The following GPC5 variants were observed in gnomAD, a reference collection of about 807,000 sequenced individuals.
The protein encoded by GPC5 is glypican-5.
A neutral mutation model predicts 53.9 loss-of-function variants in GPC5; 47 were observed. The ratio of observed to expected loss-of-function variants is 0.87; its 90% CI spans 0.69 to 1.11. The LOEUF (loss-of-function observed/expected upper bound fraction) is 1.11, where lower values mean the gene tolerates loss of function less well. GPC5 is among the 50% of genes most tolerant of loss of function. The pLI is 0.00. For synonymous variants in GPC5, 286 were observed against 263.3 expected (o/e 1.09, Z -0.84); for missense variants, 748 against 713.1 (o/e 1.05, Z -0.56).
chr13:92,672,326 C>T (rs1886781410), intron 7 of GPC5, among the ~76,000 whole-genome samples: 1 of 152,122 alleles, frequency 6.6e-6, no homozygotes, highest in Non-Finnish European at 1.5e-5. Flanking sequence ...ATCAAGACCA[C>T]AGTAAGATAC....
intron 5 of GPC5, among the ~76,000 whole-genome samples, chr13:91,799,134 T>C (rs943558081): frequency 1.1e-4 from 17 of 152,206 alleles, no homozygotes; most frequent in Non-Finnish European, 1.9e-4. Flanking sequence ...ATATGCACCA[T>C]GGAATATTAT....
At chr13:92,663,679 T>C (rs1458443189) in intron 7 of GPC5, among the ~76,000 whole-genome samples, 1 of 141,078 alleles carries the variant, frequency 7.1e-6, no homozygotes, top group Non-Finnish European at 1.5e-5. Flanking sequence ...ATATATACAC[T>C]ATATATATCT....
At chr13:92,023,385 A>G (rs1214594953) in intron 6 of GPC5, among the ~76,000 whole-genome samples, 1 of 152,196 alleles carries the variant, frequency 6.6e-6, no homozygotes, top group South Asian at 2.1e-4. Context: ...GTCAAGAAAA[A>G]TTAATGCTAT....
intron 4 of GPC5, among the ~76,000 whole-genome samples, chr13:91,735,266 A>G (rs947823189): frequency 6.6e-6 from 1 of 151,150 alleles, no homozygotes; most frequent in African/African-American, 2.5e-5. Flanking sequence ...CTGTATATAT[A>G]AGGTAAGTTT....
chr13:92,415,017 G>A (rs79785280), intron 7 of GPC5, among the ~76,000 whole-genome samples: 2,694 of 152,216 alleles, frequency 0.018, 89 homozygotes, highest in African/African-American at 0.061. Context: ...ATCAGAAAAA[G>A]AAATATTTAA....
intron 7 of GPC5, among the ~76,000 whole-genome samples, chr13:92,564,333 G>T (rs1452981567): frequency 6.6e-6 from 1 of 151,878 alleles, no homozygotes; most frequent in East Asian, 1.9e-4. Flanking sequence ...CCTAGATAAT[G>T]AAATTATACA....
Position 92,174,811 on chromosome 13 carries a change from C to A in GPC5, c.1561+29822C>A, listed in dbSNP as rs551036160. Among the ~76,000 whole-genome samples, 19 of 152,254 alleles carry A rather than the reference C, an allele frequency of 1.2e-4. No homozygotes were observed. In the South Asian group the frequency reaches 2.5e-3, roughly 20 times the overall value. ...AATGTTATCGTAAAGTGCAGAGTAC[C>A]ATTAAAATAACACACTGTGAGACTT... On this transcript the variant is annotated intron_variant, in intron 7 of 7. Coordinates refer to ENST00000377067, the MANE Select transcript of GPC5 (RefSeq NM_004466.6).
At position 91,960,710 on chromosome 13, in the gene GPC5, G is replaced by A. The variant is rs191316610; in HGVS notation, c.1401+52653G>A. ...TGGTATGTATATAAAAAGAGACGTG[G>A]ATAAATGGAACAGAATGATGAGCCC... On this transcript the variant is annotated intron_variant, in intron 6 of 7. Coordinates refer to ENST00000377067, the MANE Select transcript of GPC5 (RefSeq NM_004466.6). Among the ~76,000 whole-genome samples the A allele has an allele frequency of 1.3e-3, 198 of 152,018 alleles. 1 individual carries two copies. The highest frequency in any genetic ancestry group is 0.01 in the Middle Eastern group (3 of 294).
chr13:92,104,975 T>C lies in GPC5; in HGVS notation c.1402-39855T>C, dbSNP rs370193872. On this transcript the variant is annotated intron_variant, in intron 6 of 7. Coordinates refer to ENST00000377067, the MANE Select transcript of GPC5 (RefSeq NM_004466.6). ...TGTTTTTGTTCAGTCATTGAACTGA[T>C]CCAAACTTCTGTGTTCATATTTTTA... Among the ~76,000 whole-genome samples the C allele has an allele frequency of 3.9e-5, 6 of 152,284 alleles. No homozygotes were observed. In the East Asian group the frequency reaches 1.2e-3, roughly 29 times the overall value.
chr13:92,438,490 G>A (rs1877415019), intron 7 of GPC5, among the ~76,000 whole-genome samples: 1 of 151,818 alleles, frequency 6.6e-6, no homozygotes, highest in East Asian at 1.9e-4. Flanking sequence ...GAGTAGTCAA[G>A]AGATGGCTTG....
intron 5 of GPC5, among the ~76,000 whole-genome samples, chr13:91,836,396 A>C (rs1029930241): frequency 6.6e-6 from 1 of 152,088 alleles, no homozygotes; most frequent in Non-Finnish European, 1.5e-5. Flanking sequence ...GGACAGAAGC[A>C]TACATTTAGA....
intron 2 of GPC5, among the ~76,000 whole-genome samples, chr13:91,654,405 A>C (rs2034797271): frequency 2.6e-5 from 4 of 152,166 alleles, no homozygotes; most frequent in Admixed American, 2.6e-4. Context: ...AAATAGTTAG[A>C]TACTTGCATA....
At chr13:91,603,839 A>C (rs560894214) in intron 2 of GPC5, among the ~76,000 whole-genome samples, 1 of 152,040 alleles carries the variant, frequency 6.6e-6, no homozygotes, top group African/African-American at 2.4e-5. Context: ...AAATATCTTC[A>C]TCTATATTGG....
chr13:91,418,549 A>T (rs577993776), intron 1 of GPC5, among the ~76,000 whole-genome samples: 2 of 152,206 alleles, frequency 1.3e-5, no homozygotes, highest in African/African-American at 4.8e-5. Context: ...TTTGTTTTGC[A>T]TAGTACACAC....
chr13:92,801,031 A>G (rs535427622), intron 7 of GPC5, among the ~76,000 whole-genome samples: 53 of 151,804 alleles, frequency 3.5e-4, no homozygotes, highest in African/African-American at 1.3e-3. Context: ...AAAAAAGAAA[A>G]AAAAAAGAAA....
intron 7 of GPC5, among the ~76,000 whole-genome samples, chr13:92,721,770 C>T (rs1312771932): frequency 6.6e-6 from 1 of 151,880 alleles, no homozygotes; most frequent in African/African-American, 2.4e-5. Flanking sequence ...TTCACACATG[C>T]CATTAAGTCA....
At chr13:91,572,236 TAC>T (rs2031945455) in intron 2 of GPC5, among the ~76,000 whole-genome samples, 2 of 146,650 alleles carry the variant, frequency 1.4e-5, no homozygotes, top group Non-Finnish European at 3.0e-5. Flanking sequence ...CATATGTATA[TAC>T]ATGTGTATAT....
At chr13:92,109,503 G>A (rs2041539388) in intron 6 of GPC5, among the ~76,000 whole-genome samples, 1 of 151,992 alleles carries the variant, frequency 6.6e-6, no homozygotes, top group Admixed American at 6.6e-5. Context: ...TCTTCCGTTA[G>A]GCTTTTAGTG....
At chr13:92,617,755 A>G (rs1040172478) in intron 7 of GPC5, among the ~76,000 whole-genome samples, 5 of 152,238 alleles carry the variant, frequency 3.3e-5, no homozygotes, top group African/African-American at 1.2e-4. Flanking sequence ...AACAATGAAT[A>G]TAATTACTAC....
Sources: gnomAD v4.1 joint callset for allele counts (sites outside exome capture counted in the v4.1 genomes callset) on GRCh38, gnomAD v4.1.1 for gene constraint, MANE v1.5 for transcripts, NCBI Gene and HGNC (gene_info 2026-07-23, HGNC 2026-07-21) for gene names.